Variants in HS3ST5 observed in about 807,000 individuals in gnomAD.
The protein encoded by HS3ST5 is heparan sulfate-glucosamine 3-sulfotransferase 5, also known as heparan sulfate glucosamine 3-O-sulfotransferase 5.
Under a neutral mutation model 25.4 loss-of-function variants are expected in HS3ST5, and 10 were observed. The ratio of observed to expected loss-of-function variants is 0.39; its 90% CI spans 0.24 to 0.67. HS3ST5 has a LOEUF of 0.67. HS3ST5 is among the 30% of genes least tolerant of loss of function. HS3ST5 has a pLI of 0.44. For synonymous variants in HS3ST5, 170 were observed against 162.4 expected (o/e 1.05, Z -0.36); for missense variants, 324 against 420.7 (o/e 0.77, Z 2.01).
chr6:114,268,516 C>T (rs1390823017), intron 1 of HS3ST5, among the ~76,000 whole-genome samples: 1 of 152,128 alleles, frequency 6.6e-6, no homozygotes, highest in East Asian at 1.9e-4. Flanking sequence ...CAAGAAGAGA[C>T]ATGTGTAATA....
At chr6:114,327,622 A>G (rs1234058430) in intron 1 of HS3ST5, among the ~76,000 whole-genome samples, 9 of 152,148 alleles carry the variant, frequency 5.9e-5, no homozygotes, top group African/African-American at 1.9e-4. Context: ...AACACGCTAT[A>G]TTATCCCAAC....
At chr6:114,126,629 G>C (rs1027458129) in intron 3 of HS3ST5, among the ~76,000 whole-genome samples, 4 of 152,190 alleles carry the variant, frequency 2.6e-5, no homozygotes, top group Non-Finnish European at 5.9e-5. Flanking sequence ...GGTTCAATAA[G>C]TGGCTGTTGT....
intron 3 of HS3ST5, among the ~76,000 whole-genome samples, chr6:114,092,130 A>G (rs2114796335): frequency 6.6e-6 from 1 of 152,340 alleles, no homozygotes; most frequent in Non-Finnish European, 1.5e-5. Context: ...TCTCAGTTGC[A>G]TCTTTGTAAA....
chr6:114,077,185 T>C (rs1463786504), intron 3 of HS3ST5, among the ~76,000 whole-genome samples: 1 of 152,202 alleles, frequency 6.6e-6, no homozygotes, highest in African/African-American at 2.4e-5. Flanking sequence ...TGCAGGAGGA[T>C]ACTCATTTTG....
intron 1 of HS3ST5, among the ~76,000 whole-genome samples, chr6:114,281,095 G>T (rs1774086951): frequency 1.3e-5 from 2 of 151,998 alleles, no homozygotes; most frequent in East Asian, 1.9e-4. Context: ...TTCAGAATAA[G>T]AAGATATATT....
At position 114,149,590 on chromosome 6, in the gene HS3ST5, G is replaced by C. The variant is rs112561495; in HGVS notation, c.-33+18761C>G. 4.6e-5 allele frequency among the ~76,000 whole-genome samples: 7 copies of C among 152,196 alleles called. No individual in the cohort carries two copies. In the Middle Eastern group the frequency reaches 0.01, roughly 222 times the overall value. ...ACACTGGGGCCTGTTGGCAGGTGGGGGGCAGGGGAGGGAGAGCATTAGGAC... is the reference window on the plus strand; with the variant it reads ...ACACTGGGGCCTGTTGGCAGGTGGGCGGCAGGGGAGGGAGAGCATTAGGAC... On this transcript the variant is annotated intron_variant, in intron 3 of 4. Coordinates refer to ENST00000312719, the MANE Select transcript of HS3ST5 (RefSeq NM_153612.4).
chr6:114,143,616 C>T (rs1778011092), intron 3 of HS3ST5: 1 of 152,140 alleles, frequency 6.6e-6, no homozygotes, highest in South Asian at 2.1e-4. Flanking sequence ...TTCTTGATAA[C>T]AGGAGCCATC....
intron 1 of HS3ST5, among the ~76,000 whole-genome samples, chr6:114,276,611 G>GGA (rs1773864472): frequency 6.9e-6 from 1 of 144,588 alleles, no homozygotes; most frequent in South Asian, 2.2e-4. Flanking sequence ...GAGAGTGTGG[G>GGA]AAAAAAAAAA....
At chr6:114,193,623 A>C (rs1010898947) in intron 2 of HS3ST5, among the ~76,000 whole-genome samples, 2 of 152,212 alleles carry the variant, frequency 1.3e-5, no homozygotes, top group African/African-American at 2.4e-5. Flanking sequence ...GAAAAGAAAC[A>C]GTACCTAAAC....
At chr6:114,154,533 A>T (rs1437739167) in intron 3 of HS3ST5, among the ~76,000 whole-genome samples, 1 of 152,138 alleles carries the variant, frequency 6.6e-6, no homozygotes, top group African/African-American at 2.4e-5. Flanking sequence ...CTTAGATTAG[A>T]TGTATCAAAA....
At chr6:114,254,639 TCA>T (rs954160732) in intron 1 of HS3ST5, among the ~76,000 whole-genome samples, 2 of 152,102 alleles carry the variant, frequency 1.3e-5, no homozygotes, top group Admixed American at 1.3e-4. Flanking sequence ...TTTAATGGAC[TCA>T]CAGTTCCACA....
At chr6:114,278,211 A>C (rs1173451942) in intron 1 of HS3ST5, among the ~76,000 whole-genome samples, 2 of 152,020 alleles carry the variant, frequency 1.3e-5, no homozygotes, top group African/African-American at 4.8e-5. Flanking sequence ...ATAAATGAAC[A>C]CCATGCTGTA....
intron 3 of HS3ST5, among the ~76,000 whole-genome samples, chr6:114,096,191 A>G (rs1388746541): frequency 6.6e-6 from 1 of 152,172 alleles, no homozygotes; most frequent in Non-Finnish European, 1.5e-5. Context: ...ATTGTTCACT[A>G]GTCCAAGGGA....
intron 3 of HS3ST5, among the ~76,000 whole-genome samples, chr6:114,126,737 A>C (rs1175149977): frequency 6.6e-6 from 1 of 151,532 alleles, no homozygotes; most frequent in African/African-American, 2.4e-5. Context: ...AGAGGATTGG[A>C]GAACTCTCAG....
chr6:114,260,189 T>C (rs1467116036), intron 1 of HS3ST5, among the ~76,000 whole-genome samples: 1 of 152,150 alleles, frequency 6.6e-6, no homozygotes, highest in Non-Finnish European at 1.5e-5. Context: ...AATTGAGTAT[T>C]ATTTGGTCAT....
chr6:114,301,121 A>G (rs1208411837), intron 1 of HS3ST5, among the ~76,000 whole-genome samples: 1 of 152,200 alleles, frequency 6.6e-6, no homozygotes, highest in Admixed American at 6.5e-5. Flanking sequence ...CTGTGAATGT[A>G]CTAAAAACTG....
chr6:114,326,082 C>A lies in HS3ST5; in HGVS notation c.-339+16113G>T, dbSNP rs561517349. On this transcript the variant is annotated intron_variant, in intron 1 of 4. Coordinates refer to ENST00000312719, the MANE Select transcript of HS3ST5 (RefSeq NM_153612.4). ...CACCTGACTCCTTGAAGCCAGAGGACTGTGTTTTATCTCTATTAAAAAAGT... is the reference window on the plus strand; with the variant it reads ...CACCTGACTCCTTGAAGCCAGAGGAATGTGTTTTATCTCTATTAAAAAAGT... Among the ~76,000 whole-genome samples the A allele has an allele frequency of 2.5e-4, 38 of 151,526 alleles. 1 individual carries two copies. The South Asian group carries it at 7.3e-3, about 29-fold the overall frequency.
chr6:114,202,790 G>A (rs1781088498), intron 2 of HS3ST5, among the ~76,000 whole-genome samples: 1 of 152,130 alleles, frequency 6.6e-6, no homozygotes, highest in Non-Finnish European at 1.5e-5. Context: ...AAAAATTTGA[G>A]GGCTATGCTT....
intron 2 of HS3ST5, among the ~76,000 whole-genome samples, chr6:114,184,054 C>CTTTTTTTTTT (rs34370810): frequency 1.0e-4 from 8 of 78,688 alleles, no homozygotes; most frequent in Non-Finnish European, 1.8e-4. Context: ...TTTTTCCTTT[C>CTTTTTTTTTT]TTTTTTTTTT....
Sources: allele counts gnomAD v4.1 joint callset (sites outside exome capture counted in the v4.1 genomes callset), GRCh38; gene constraint gnomAD v4.1.1; transcripts MANE v1.5; gene names NCBI Gene and HGNC (gene_info 2026-07-23, HGNC 2026-07-21).